UBE2A: variants seen among roughly 807,000 people sequenced by gnomAD.
UBE2A encodes ubiquitin-conjugating enzyme E2 A.
For synonymous variants in UBE2A, 39 were observed against 41.1 expected (o/e 0.95, Z 0.20); for missense variants, 27 against 125.8 (o/e 0.21, Z 3.76).
At chrX:119,582,999 T>G in intron 5 of UBE2A, 128 bp from the exon 6 acceptor site, 1 of 854,993 alleles carries the variant, frequency 1.2e-6, no homozygotes, top group Non-Finnish European at 1.7e-6. Flanking sequence ...CAGATTCACA[T>G]AACTCTGGGT....
intron 5 of UBE2A, 67 bp downstream of exon 5, chrX:119,582,743 T>C (rs1377645566): frequency 1.1e-6 from 1 of 870,854 alleles, no homozygotes; most frequent in Non-Finnish European, 1.7e-6. Flanking sequence ...TGAATTGTTT[T>C]TGAAAGTCAT....
At chrX:119,577,465 C>T (rs1201539026) in intron 3 of UBE2A, among the ~76,000 whole-genome samples, 1 of 110,052 alleles carries the variant, frequency 9.1e-6, no homozygotes, top group Non-Finnish European at 1.9e-5. Flanking sequence ...CCAGGACTGT[C>T]ACCTTTGACA....
chrX:119,581,939 G>A (rs1041860865), intron 4 of UBE2A, among the ~76,000 whole-genome samples: 3 of 112,404 alleles, frequency 2.7e-5, no homozygotes, highest in Non-Finnish European at 5.6e-5. Flanking sequence ...TAGAAAAGTA[G>A]TTTTCATTGG....
intron 2 of UBE2A, 174 bp downstream of exon 2, chrX:119,575,155 A>T (rs907218377): frequency 2.1e-5 from 16 of 744,681 alleles, no homozygotes; most frequent in Non-Finnish European, 3.2e-5. Context: ...TCCCGCTGCC[A>T]GGGGGAACCG....
At chrX:119,574,789 C>A (rs747310210) in intron 1 of UBE2A, 34 bp downstream of exon 1, 2 of 1,183,695 alleles carry the variant, frequency 1.7e-6, no homozygotes, top group Non-Finnish European at 2.3e-6. Context: ...CCGGGGGTTG[C>A]GAGCTGGGGC....
At position 119,583,785 on chromosome X, in the gene UBE2A, C is replaced by A. The variant is rs1256426207; in HGVS notation, c.*530C>A. The A allele has an allele frequency of 8.2e-6, 1 of 122,353 alleles. No individual in the cohort carries two copies. The allele number at this position is 122,353 out of a possible 1,213,427, so 10.1% of individuals were successfully genotyped here. ...AATCCTGTGATACTAAGATCTCAGT[C>A]ATATGAATTACAACGTAGTATTTAC... On this transcript the variant is annotated 3_prime_UTR_variant, in exon 6 of 6. Transcript: ENST00000371558.
chrX:119,581,629 T>C, intron 4 of UBE2A, 33 bp downstream of exon 4: 1 of 1,030,368 alleles, frequency 9.7e-7, no homozygotes, highest in Non-Finnish European at 1.4e-6. Context: ...TGTTTTAAAC[T>C]ACTATAGTGT....
At chrX:119,582,450 T>A (rs1470311649) in intron 4 of UBE2A, 138 bp from the exon 5 acceptor site, 9 of 425,178 alleles carry the variant, frequency 2.1e-5, no homozygotes, top group Non-Finnish European at 3.3e-5. Flanking sequence ...ACTTATCTTT[T>A]TAGGCAGTTA....
chrX:119,576,355 GGTT>G (rs1207888865), intron 3 of UBE2A, among the ~76,000 whole-genome samples: 1 of 110,571 alleles, frequency 9.0e-6, no homozygotes, highest in Non-Finnish European at 1.9e-5. Flanking sequence ...GTGTGTGTGT[GGTT>G]GTTTTTTGAA....
At chrX:119,580,791 T>C (rs1232552905) in intron 3 of UBE2A, 1 of 111,548 alleles carries the variant, frequency 9.0e-6, no homozygotes, top group Non-Finnish European at 1.9e-5. Flanking sequence ...ATTAGAAAAA[T>C]AAATTTGCTG....
At chrX:119,579,246 G>A (rs2053436204) in intron 3 of UBE2A, among the ~76,000 whole-genome samples, 1 of 111,865 alleles carries the variant, frequency 8.9e-6, no homozygotes, top group African/African-American at 3.2e-5. Context: ...GAACTTCTGG[G>A]CAAGTGTATG....
At chrX:119,578,154 TAAGAC>T (rs892289974) in intron 3 of UBE2A, among the ~76,000 whole-genome samples, 11 of 111,952 alleles carry the variant, frequency 9.8e-5, no homozygotes, top group Admixed American at 2.8e-4. Context: ...GATGAAATCT[TAAGAC>T]AAGCAACACT....
chrX:119,576,696 CTG>C (rs1206470975), intron 3 of UBE2A, among the ~76,000 whole-genome samples: 9 of 111,976 alleles, frequency 8.0e-5, no homozygotes, highest in Admixed American at 1.9e-4. Flanking sequence ...CCCCAGGAAA[CTG>C]TGGACAGTCA....
chrX:119,577,622 A>G (rs1247213620), intron 3 of UBE2A, among the ~76,000 whole-genome samples: 1 of 101,338 alleles, frequency 9.9e-6, no homozygotes, highest in East Asian at 3.1e-4. Context: ...TTCCCCCACA[A>G]AAAAAATTTT....
intron 3 of UBE2A, among the ~76,000 whole-genome samples, chrX:119,579,624 A>G (rs988581932): frequency 3.6e-5 from 4 of 111,991 alleles, no homozygotes; most frequent in African/African-American, 1.3e-4. Flanking sequence ...CCAAAGTCTC[A>G]CAGCTAGTAA....
rs756926173 is a variant in UBE2A at position 119,582,568 on chromosome X, A to G, written c.242-20A>G. The G allele has an allele frequency of 8.7e-7, 1 of 1,152,766 alleles. No individual in the cohort carries two copies. Among genetic ancestry groups the G allele is most frequent in the Non-Finnish European group, 1.2e-6 (1 of 842,965 alleles). ...TTAGTGGTCTTGTTACGTTTAATGT[A>G]CCTACTTCTTTGTTCTTAGTCTATG... On this transcript the variant is annotated intron_variant, in intron 4 of 5. Coordinates refer to ENST00000371558, the MANE Select transcript of UBE2A (RefSeq NM_003336.4).
In UBE2A at chrX:119,584,108, G is replaced by A. The variant is rs1038149716; in HGVS notation, c.*853G>A. 3 of 112,380 alleles carry A rather than the reference G, an allele frequency of 2.7e-5. No individual in the cohort carries two copies. The highest frequency in any genetic ancestry group is 5.6e-5 in the Non-Finnish European group (3 of 53,217). The allele number at this position is 112,380 out of a possible 1,213,427, so 9.3% of individuals were successfully genotyped here. ...TTAGAGTTTTAATGAATTCAAGGAAGGGAGCATAGCATATCTGTGGCAAAC... is the reference window on the plus strand; with the variant it reads ...TTAGAGTTTTAATGAATTCAAGGAAAGGAGCATAGCATATCTGTGGCAAAC... On this transcript the variant is annotated 3_prime_UTR_variant, in exon 6 of 6. Coordinates refer to ENST00000371558, the MANE Select transcript of UBE2A (RefSeq NM_003336.4).
chrX:119,575,339 T>A (rs377327807), intron 2 of UBE2A, 36 bp from the exon 3 acceptor site: 16 of 1,209,784 alleles, frequency 1.3e-5, no homozygotes, highest in Non-Finnish European at 1.8e-5. Flanking sequence ...AGGGGGCCCC[T>A]TAAGTGGGAA....
At chrX:119,576,771 G>A (rs1321920042) in intron 3 of UBE2A, among the ~76,000 whole-genome samples, 12 of 111,806 alleles carry the variant, frequency 1.1e-4, no homozygotes, top group African/African-American at 3.9e-4. Flanking sequence ...ACTCTTCAGG[G>A]CTGCAAAGAA....
Sources: gnomAD v4.1 joint callset for allele counts (sites outside exome capture counted in the v4.1 genomes callset) on GRCh38, gnomAD v4.1.1 for gene constraint, MANE v1.5 for transcripts, NCBI Gene and HGNC (gene_info 2026-07-23, HGNC 2026-07-21) for gene names.